ZNF467: variants seen among roughly 807,000 people sequenced by gnomAD.
ZNF467 encodes the protein zinc finger protein 467, also known as zinc finger protein EZI.
A neutral mutation model predicts 47.8 loss-of-function variants in ZNF467; 51 were observed. The observed-to-expected ratio is 1.07, with a 90% CI of 0.85 to 1.35. The LOEUF (loss-of-function observed/expected upper bound fraction) is 1.35. Among genes scored for constraint, ZNF467 ranks in the 40% most tolerant of loss-of-function variants. ZNF467 has a pLI of 0.00. For missense variants in ZNF467, 992 were observed against 858.1 expected (o/e 1.16, Z -1.95); for synonymous variants, 416 against 372.9 (o/e 1.12, Z -1.33).
Position 149,764,954 on chromosome 7 carries a change from G to C in ZNF467, c.1548C>G (p.Ala516=). The C allele has an allele frequency of 6.3e-7, 1 of 1,588,452 alleles. No homozygotes were observed. The highest frequency in any genetic ancestry group is 8.5e-7 in the Non-Finnish European group (1 of 1,173,596). The change falls in exon 5 of 5, where the codon GCC becomes GCG. Residue 516 remains alanine (A), a synonymous_variant. Transcript: ENST00000302017. Reference sequence around the variant, plus strand: ...TGAAGCTGCGGGCGCAGACGGCGCAGGCGTGGGGGCGGCTGCCAGTGTGCA... The same window carrying C: ...TGAAGCTGCGGGCGCAGACGGCGCACGCGTGGGGGCGGCTGCCAGTGTGCA... ...QAVHTGSRPH[A]CAVCARSFSS... is the part of the protein sequence containing the mutation.
Position 149,765,875 on chromosome 7 carries a change from G to C in ZNF467, c.627C>G (p.Ser209Arg). 3.8e-6 allele frequency: 6 copies of C among 1,595,888 alleles called. No individual in the cohort carries two copies. The highest frequency in any genetic ancestry group is 5.1e-6 in the Non-Finnish European group (6 of 1,172,022). Reference protein sequence around the residue: ...QRAHMLLHQRSHRGERPFPCS... With the variant: ...QRAHMLLHQRRHRGERPFPCS... ...ACGGGAAAGGCCGCTCGCCGCGGTG[G>C]CTGCGCTGATGCAGTAGCATGTGGG... The change falls in exon 5 of 5, where the codon AGC becomes AGG. Residue 209 changes from serine (S) to arginine (R), a missense_variant. By Grantham distance (110) the Ser-to-Arg change is moderately radical. Transcript: ENST00000302017.
rs1799130306 is a variant in ZNF467 at position 149,765,093 on chromosome 7, G to A, written c.1409C>T (p.Ser470Leu). Residue 470 changes from serine (S) to leucine (L), a missense_variant, in exon 5 of 5, where the codon TCG (serine) becomes TTG (leucine). By Grantham distance (145) the Ser-to-Leu change is moderately radical. Transcript: ENST00000302017. ...ACTQCDRRFG[S>L]RPNLVAHSRA... ...GGAGTGGGCGACCAGATTAGGCCGCGAGCCGAAGCGGCGGTCACACTGCGT... is the reference window on the plus strand; with the variant it reads ...GGAGTGGGCGACCAGATTAGGCCGCAAGCCGAAGCGGCGGTCACACTGCGT... The A allele has an allele frequency of 6.8e-7, 1 of 1,468,884 alleles. No individual in the cohort carries two copies. Among genetic ancestry groups the A allele is most frequent in the Non-Finnish European group, 9.0e-7 (1 of 1,114,402 alleles). 91.0% of individuals were successfully genotyped at this position (1,468,884 alleles called of 1,614,324 possible). A position where few individuals can be genotyped will look rare whatever the true frequency, so the allele number is the denominator to read the frequency against.
At chr7:149,771,902 G>T (rs903176913) in intron 1 of ZNF467, among the ~76,000 whole-genome samples, 1 of 148,618 alleles carries the variant, frequency 6.7e-6, no homozygotes, top group African/African-American at 2.5e-5. Flanking sequence ...GCCCCGTCCG[G>T]GTCGGCCCTC....
At chr7:149,776,369 C>T, upstream of ZNF467, 1 of 1,363,716 alleles carries the variant, frequency 7.3e-7, no homozygotes, top group Non-Finnish European at 9.8e-7. Flanking sequence ...TGGACAGAGA[C>T]CATCCGTGTG....
In ZNF467 at chr7:149,769,024, G is replaced by A. The variant is rs892254225; in HGVS notation, c.262+66C>T. The A allele has an allele frequency of 1.9e-5, 26 of 1,384,990 alleles. No individual in the cohort carries two copies. Among genetic ancestry groups the A allele is most frequent in the Middle Eastern group, 1.8e-4 (1 of 5,474 alleles). The allele number at this position is 1,384,990 out of a possible 1,614,324, so 85.8% of individuals were successfully genotyped here. On this transcript the variant is annotated intron_variant, in intron 4 of 4. Transcript: ENST00000302017. This position sits in a 1 kb window ranked among gnomAD's most constrained non-coding sequence, Gnocchi z 5.3. The stretch of plus-strand genomic sequence containing the variant: ...ACCTGCCTCATGAGATAGCAGCTCC[G>A]GAGCTTGCTGGGCCCCGTTCCCTTG...
At position 149,765,601 on chromosome 7, in the gene ZNF467, G is replaced by A. The variant is rs1257938503; in HGVS notation, c.901C>T (p.Gln301Ter). The change falls in exon 5 of 5, where the codon CAG becomes TAG. Residue 301 changes from glutamine (Q) to a stop codon, truncating the protein, a stop_gained. Transcript: ENST00000302017. LOFTEE classifies it high-confidence loss of function. ...QRIHTGERPYQCAQCARSFTH... is the reference protein window; with the variant it reads ...QRIHTGERPY ...AAGCTGCGTGCGCACTGTGCGCACTGGTAGGGCCTCTCGCCCGTATGGATG... is the reference window on the plus strand; with the variant it reads ...AAGCTGCGTGCGCACTGTGCGCACTAGTAGGGCCTCTCGCCCGTATGGATG... 6.2e-7 allele frequency: 1 copy of A among 1,602,156 alleles called. No homozygotes were observed. Among genetic ancestry groups the A allele is most frequent in the African/African-American group, 1.3e-5 (1 of 74,902 alleles).
chr7:149,766,202 G>A lies in ZNF467; in HGVS notation c.300C>T (p.Asp100=), dbSNP rs747290583. 4 of 1,535,910 alleles carry A rather than the reference G, an allele frequency of 2.6e-6. No individual in the cohort carries two copies. The highest frequency in any genetic ancestry group is 4.1e-5 in the Admixed American group (2 of 48,330). The change falls in exon 5 of 5, where the codon GAC becomes GAT. Residue 100 remains aspartate, a synonymous_variant. Coordinates refer to ENST00000302017, the MANE Select transcript of ZNF467 (RefSeq NM_207336.3). Reference sequence around the variant, plus strand: ...CCTCCTCTTCTGCCTCCTGATCTTCGTCCTCCACCTTCACCTTCCGAATCA... The same window carrying A: ...CCTCCTCTTCTGCCTCCTGATCTTCATCCTCCACCTTCACCTTCCGAATCA... The part of the protein sequence containing the change: ...EWMIRKVKVE[D]EDQEAEEEVE...
intron 1 of ZNF467, among the ~76,000 whole-genome samples, chr7:149,771,868 G>A (rs910076395): frequency 1.4e-5 from 2 of 142,462 alleles, no homozygotes; most frequent in African/African-American, 5.3e-5. Context: ...GCCCGCCCGA[G>A]CCCGGCAGGG....
At chr7:149,775,926 G>T (rs1390520513), upstream of ZNF467, 2 of 772,182 alleles carry the variant, frequency 2.6e-6, no homozygotes, top group African/African-American at 1.8e-5. Context: ...CTGGGCTGCG[G>T]GGAGGCTGCG....
rs1240531544 is a variant in ZNF467, at chr7:149,764,534, G to C, written c.*180C>G. 20 of 1,157,222 alleles carry C rather than the reference G, an allele frequency of 1.7e-5. No individual in the cohort carries two copies. Among genetic ancestry groups the C allele is most frequent in the Non-Finnish European group, 2.5e-5 (20 of 798,764 alleles). 71.7% of individuals were successfully genotyped at this position (1,157,222 alleles called of 1,614,324 possible). On this transcript the variant is annotated 3_prime_UTR_variant, in exon 5 of 5. Coordinates refer to ENST00000302017, the MANE Select transcript of ZNF467 (RefSeq NM_207336.3). ...CCCAGCAAGGGTTCGCTGAGTCTCT[G>C]TCCTAGGAGGTCCGAGCTGGGTATG... is the stretch of plus-strand genomic sequence containing the variant.
rs972003882 is a variant in ZNF467, at chr7:149,773,517, T to C, written c.-452A>G. 1.6e-4 allele frequency: 1 copy of C among 6,430 alleles called. No individual in the cohort carries two copies. Among genetic ancestry groups the C allele is most frequent in the Admixed American group, 1.6e-3 (1 of 618 alleles). The allele number at this position is 6,430 out of a possible 1,614,324, so 0.4% of individuals were successfully genotyped here. A position where few individuals can be genotyped will look rare whatever the true frequency, so the allele number is the denominator to read the frequency against. The stretch of plus-strand genomic sequence containing the variant: ...GGGAGGGGAGGGGAGGGGAGGGTGA[T>C]GGGAGAGGGGGTGGAGGAGGGCGAG... On this transcript the variant is annotated 5_prime_UTR_variant, in exon 1 of 5. Transcript: ENST00000302017.
At position 149,765,768 on chromosome 7, in the gene ZNF467, G is replaced by T. The variant is rs747930957; in HGVS notation, c.734C>A (p.Pro245Gln). 1 of 1,612,084 alleles carries T rather than the reference G, an allele frequency of 6.2e-7. No homozygotes were observed. The highest frequency in any genetic ancestry group is 1.7e-5 in the Admixed American group (1 of 59,846). The change falls in exon 5 of 5, where the codon CCG becomes CAG. Residue 245 changes from proline to glutamine, a missense_variant. Pro to Gln is a moderately conservative substitution (Grantham distance 76). Coordinates refer to ENST00000302017, the MANE Select transcript of ZNF467 (RefSeq NM_207336.3). ...LRTHTGERPY[P>Q]CAECGKRFSQ... Reference sequence around the variant, plus strand: ...GAAGCGCTTGCCGCACTCCGCGCACGGGTAGGGCCGCTCGCCCGTGTGCGT... The same window carrying T: ...GAAGCGCTTGCCGCACTCCGCGCACTGGTAGGGCCGCTCGCCCGTGTGCGT...
chr7:149,767,559 T>A (rs775215752), intron 4 of ZNF467, among the ~76,000 whole-genome samples: 1 of 152,210 alleles, frequency 6.6e-6, no homozygotes, highest in Non-Finnish European at 1.5e-5. Flanking sequence ...CCTATTTATT[T>A]ATTTTTAATT....
At chr7:149,770,272 G>A (rs1400951441) in intron 3 of ZNF467, among the ~76,000 whole-genome samples, 168 bp downstream of exon 3, 1 of 147,100 alleles carries the variant, frequency 6.8e-6, no homozygotes, top group Non-Finnish European at 1.5e-5. Context: ...GTTTAGAATA[G>A]CATCCCACAC....
At position 149,764,636 on chromosome 7, in the gene ZNF467, C is replaced by T. The variant is rs1185700963; in HGVS notation, c.*78G>A. On this transcript the variant is annotated 3_prime_UTR_variant, in exon 5 of 5. Coordinates refer to ENST00000302017, the MANE Select transcript of ZNF467 (RefSeq NM_207336.3). ...AACCTTCGGGCAGCAGCCCAGGTCG[C>T]CTTGCTCACCCCAGGCGGTCTCATG... 13 of 1,552,980 alleles carry T rather than the reference C, an allele frequency of 8.4e-6. No homozygotes were observed. The highest frequency in any genetic ancestry group is 1.7e-4 in the Middle Eastern group (1 of 5,992).
intron 4 of ZNF467, among the ~76,000 whole-genome samples, chr7:149,767,090 G>A (rs939702761): frequency 1.3e-5 from 2 of 152,254 alleles, no homozygotes; most frequent in Admixed American, 6.5e-5. Flanking sequence ...CCGGGGTCCA[G>A]ACGGGAGGGT....
chr7:149,771,011 G>C lies in ZNF467; in HGVS notation c.22C>G (p.Leu8Val). The C allele has an allele frequency of 6.2e-7, 1 of 1,614,060 alleles. No individual in the cohort carries two copies. The highest frequency in any genetic ancestry group is 1.1e-5 in the South Asian group (1 of 91,084). MRETLEA[L>V]SSLGFSVGQP... is the part of the protein sequence containing the mutation. ...TCTGCCAGCTCACCCAGGGAGCTGA[G>C]GGCCTCCAAGGTCTCTCTCATGGTA... Residue 8 changes from leucine to valine, a missense_variant, in exon 2 of 5, where the codon CTC becomes GTC. Leu to Val is a conservative substitution (Grantham distance 32). Transcript: ENST00000302017.
At chr7:149,767,085 G>A (rs1799247810) in intron 4 of ZNF467, among the ~76,000 whole-genome samples, 1 of 152,230 alleles carries the variant, frequency 6.6e-6, no homozygotes, top group African/African-American at 2.4e-5. Context: ...GGAGCCCGGG[G>A]TCCAGACGGG....
chr7:149,769,679 G>A lies in ZNF467; in HGVS notation c.152-479C>T, dbSNP rs544745765. On this transcript the variant is annotated intron_variant, in intron 3 of 4. Coordinates refer to ENST00000302017, the MANE Select transcript of ZNF467 (RefSeq NM_207336.3). This position sits in a 1 kb window ranked among gnomAD's most constrained non-coding sequence, Gnocchi z 5.3. ...CTTTTCCCAAATCTGCTGAGCTGCCGCCTTCACCTCTTTTATTTTTCTTTT... is the reference window on the plus strand; with the variant it reads ...CTTTTCCCAAATCTGCTGAGCTGCCACCTTCACCTCTTTTATTTTTCTTTT... Among the ~76,000 whole-genome samples, 5 of 152,204 alleles carry A rather than the reference G, an allele frequency of 3.3e-5. No homozygotes were observed. Among genetic ancestry groups the A allele is most frequent in the Admixed American group, 1.3e-4 (2 of 15,300 alleles).
Sources: allele counts gnomAD v4.1 joint callset (sites outside exome capture counted in the v4.1 genomes callset), GRCh38; gene constraint gnomAD v4.1.1; non-coding constraint Gnocchi (gnomAD v3.1); transcripts MANE v1.5; gene names NCBI Gene and HGNC (gene_info 2026-07-23, HGNC 2026-07-21).